The following CEP250 variants were observed in gnomAD, a reference collection of about 807,000 sequenced individuals.
CEP250 encodes the protein centrosomal protein 250.
A neutral mutation model predicts 315.7 loss-of-function variants in CEP250; 242 were observed. The ratio of observed to expected loss-of-function variants is 0.77; its 90% CI spans 0.69 to 0.85. The LOEUF (loss-of-function observed/expected upper bound fraction) is 0.85. Ranked by LOEUF, CEP250 falls within the 40% of genes least tolerant of loss-of-function variation. The pLI is 0.00. For missense variants in CEP250, 2,515 were observed against 2,886.4 expected (o/e 0.87, Z 2.95); for synonymous variants, 1,088 against 1,175.0 (o/e 0.93, Z 1.51).
intron 34 of CEP250, 44 bp downstream of exon 34, chr20:35,510,098 C>A: frequency 6.4e-7 from 1 of 1,566,116 alleles, no homozygotes; most frequent in Non-Finnish European, 8.8e-7. Flanking sequence ...CCCTTGCACT[C>A]AGGCCCTTTG....
chr20:35,517,808 C>T lies in CEP250; in HGVS notation c.*6182C>T, dbSNP rs924702094. 5 of 151,716 alleles carry T rather than the reference C, an allele frequency of 3.3e-5. No individual in the cohort carries two copies. The highest frequency in any genetic ancestry group is 6.6e-5 in the Admixed American group (1 of 15,236). 9.4% of individuals were successfully genotyped at this position (151,716 alleles called of 1,614,324 possible). ...CAGTGCCGGGCTTGGGGGCTCACGCCTGTAATCCCAGCACTTTGGGAGGCC... is the reference window on the plus strand; with the variant it reads ...CAGTGCCGGGCTTGGGGGCTCACGCTTGTAATCCCAGCACTTTGGGAGGCC... On this transcript the variant is annotated 3_prime_UTR_variant, in exon 35 of 35. Transcript: ENST00000397527.
At position 35,491,305 on chromosome 20, in the gene CEP250, C is replaced by T. The variant is rs1388902455; in HGVS notation, c.2848C>T (p.Arg950Ter). 1.2e-6 allele frequency: 2 copies of T among 1,602,248 alleles called. No individual in the cohort carries two copies. Among genetic ancestry groups the T allele is most frequent in the East Asian group, 2.3e-5 (1 of 44,374 alleles). ...AGCAGATGCCAGCCAACAACTGGAACGACTGAGGCAGGACATGAAAGTCCA... is the reference window on the plus strand; with the variant it reads ...AGCAGATGCCAGCCAACAACTGGAATGACTGAGGCAGGACATGAAAGTCCA... Reference protein sequence around the residue: ...ELADASQQLERLRQDMKVQKL... With the variant: ...ELADASQQLE Residue 950 changes from arginine to a stop codon, truncating the protein, a stop_gained, in exon 22 of 35, where the codon CGA becomes TGA. Transcript: ENST00000397527. LOFTEE classifies it high-confidence loss of function.
intron 24 of CEP250, among the ~76,000 whole-genome samples, chr20:35,495,909 A>G (rs1488560185): frequency 6.6e-6 from 1 of 152,110 alleles, no homozygotes; most frequent in East Asian, 1.9e-4. Context: ...AGAGGAGGAG[A>G]GAAGAGAAGA....
At chr20:35,487,606 T>C (rs933564327) in intron 20 of CEP250, among the ~76,000 whole-genome samples, 4 of 151,968 alleles carry the variant, frequency 2.6e-5, no homozygotes, top group African/African-American at 9.7e-5. Flanking sequence ...TGCTGAATGC[T>C]TTATTCACAC....
At chr20:35,494,398 G>T (rs1490682870) in intron 23 of CEP250, 126 bp from the exon 24 acceptor site, 3 of 1,246,960 alleles carry the variant, frequency 2.4e-6, no homozygotes, top group Non-Finnish European at 3.4e-6. Flanking sequence ...TGGTAGAATC[G>T]CCAGAGCATT....
intron 10 of CEP250, 59 bp from the exon 11 acceptor site, chr20:35,471,991 G>A: frequency 9.5e-7 from 1 of 1,055,250 alleles, no homozygotes; most frequent in African/African-American, 1.6e-5. Context: ...TGGGGTCCTG[G>A]AATAATAAAT....
At chr20:35,493,310 G>A (rs2063748017) in intron 22 of CEP250, 119 bp from the exon 23 acceptor site, 2 of 930,150 alleles carry the variant, frequency 2.2e-6, no homozygotes, top group Middle Eastern at 2.3e-4. Context: ...AAGTGAGAAG[G>A]TGAGGTGGAA....
intron 20 of CEP250, among the ~76,000 whole-genome samples, chr20:35,485,074 A>G (rs2063469532): frequency 6.6e-6 from 1 of 151,648 alleles, no homozygotes; most frequent in Non-Finnish European, 1.5e-5. Context: ...TAAAAAAAAA[A>G]AAAAAAAAAA....
rs370009858 is a variant in CEP250 at position 35,477,942 on chromosome 20, C to G, written c.1935C>G (p.Val645=). 3 of 1,610,086 alleles carry G rather than the reference C, an allele frequency of 1.9e-6. No homozygotes were observed. Among genetic ancestry groups the G allele is most frequent in the South Asian group, 2.2e-5 (2 of 90,126 alleles). ...AAEQARNALQ[V]DLAEAEKRRE... is the part of the protein sequence containing the mutation. ...AGCAGGCGAGAAATGCTTTGCAGGT[C>G]GACCTGGCGGAGGCAGAGAAGAGGA... Residue 645 remains valine (V), a synonymous_variant, in exon 17 of 35, where the codon GTC becomes GTG. Transcript: ENST00000397527.
chr20:35,457,811 A>G (rs533120585), intron 1 of CEP250, among the ~76,000 whole-genome samples: 1 of 152,198 alleles, frequency 6.6e-6, no homozygotes, highest in South Asian at 2.1e-4. Context: ...AAACAAAACA[A>G]AACACTGGAT....
intron 28 of CEP250, 44 bp from the exon 29 acceptor site, chr20:35,501,801 G>A: frequency 6.5e-7 from 1 of 1,537,260 alleles, no homozygotes; most frequent in South Asian, 1.2e-5. Context: ...CCAAACATGG[G>A]TCTTACTCCA....
At chr20:35,489,453 A>G (rs2063620930) in intron 20 of CEP250, among the ~76,000 whole-genome samples, 1 of 152,276 alleles carries the variant, frequency 6.6e-6, no homozygotes, top group Non-Finnish European at 1.5e-5. Flanking sequence ...AGTGATTCAC[A>G]TGACTTATCT....
chr20:35,460,191 G>T (rs2062722965), intron 3 of CEP250, 86 bp downstream of exon 3: 1 of 152,184 alleles, frequency 6.6e-6, no homozygotes, highest in Admixed American at 6.6e-5. Context: ...TGGTTCGTAG[G>T]CTAGGAAGAG....
At chr20:35,462,211 T>C (rs2062772170) in intron 3 of CEP250, 54 bp from the exon 4 acceptor site, 1 of 590,196 alleles carries the variant, frequency 1.7e-6, no homozygotes, top group Non-Finnish European at 3.0e-6. Flanking sequence ...TGAGGAGTCT[T>C]GTGTGTAGTA....
At position 35,479,277 on chromosome 20, in the gene CEP250, A is replaced by G. The variant is rs2146875731; in HGVS notation, c.2141A>G (p.His714Arg). 27 of 1,614,190 alleles carry G rather than the reference A, an allele frequency of 1.7e-5. No individual in the cohort carries two copies. Among genetic ancestry groups the G allele is most frequent in the Non-Finnish European group, 2.3e-5 (27 of 1,180,010 alleles). ...GCCACGACTCAGCTGGAGCAGCTAC[A>G]TCAGGAGGCAAAGCGACAGGAAGAA... is the stretch of plus-strand genomic sequence containing the variant. ...EAATTQLEQL[H>R]QEAKRQEEVL... The change falls in exon 18 of 35, where the codon CAT becomes CGT. Residue 714 changes from histidine to arginine, a missense_variant. Transcript: ENST00000397527.
Position 35,498,642 on chromosome 20 carries a change from G to A in CEP250, c.3703G>A (p.Ala1235Thr), listed in dbSNP as rs2063915526. The A allele has an allele frequency of 1.2e-6, 2 of 1,607,716 alleles. No homozygotes were observed. The highest frequency in any genetic ancestry group is 1.7e-6 in the Non-Finnish European group (2 of 1,178,272). ...SLFKRGPLLT[A>T]LSAEAVASAL... ...CTTTAAGAGAGGGCCCCTGCTGACT[G>A]CTCTCTCCGCTGAGGCAGTAGCATC... is the stretch of plus-strand genomic sequence containing the variant. Residue 1235 changes from alanine to threonine, a missense_variant, in exon 27 of 35, where the codon GCT (alanine) becomes ACT (threonine). Physicochemically the swap from Ala to Thr is moderately conservative, Grantham distance 58 (BLOSUM62 0). Coordinates refer to ENST00000397527, the MANE Select transcript of CEP250 (RefSeq NM_007186.6).
rs772480349 is a variant in CEP250, at chr20:35,511,460, A to C, written c.7163A>C (p.His2388Pro). The C allele has an allele frequency of 1.2e-6, 2 of 1,614,016 alleles. No homozygotes were observed. The highest frequency in any genetic ancestry group is 1.7e-6 in the Non-Finnish European group (2 of 1,180,004). Residue 2388 changes from histidine (H) to proline (P), a missense_variant, in exon 35 of 35, where the codon CAC (histidine) becomes CCC (proline). His to Pro is a moderately conservative substitution (Grantham distance 77, BLOSUM62 -2). Coordinates refer to ENST00000397527, the MANE Select transcript of CEP250 (RefSeq NM_007186.6). ...AQTSRELAGL[H>P]HSLSHSLLAV... ...ACCAGCCGTGAGCTAGCAGGCCTGC[A>C]CCACAGCCTCTCACACTCACTTCTT...
chr20:35,470,479 G>T (rs1375278461), intron 10 of CEP250, among the ~76,000 whole-genome samples: 1 of 152,228 alleles, frequency 6.6e-6, no homozygotes, highest in African/African-American at 2.4e-5. Flanking sequence ...GCCGGGCGCG[G>T]TGGCTCACGC....
rs2063245304 is a variant in CEP250, at chr20:35,478,695, T to C, written c.2095-536T>C. On this transcript the variant is annotated intron_variant, in intron 17 of 34. Coordinates refer to ENST00000397527, the MANE Select transcript of CEP250 (RefSeq NM_007186.6). Reference sequence around the variant, plus strand: ...ACTACCACATTCCTCATGCTATAATTATCTGTTTATATGTCTCTACCATTA... The same window carrying C: ...ACTACCACATTCCTCATGCTATAATCATCTGTTTATATGTCTCTACCATTA... Among the ~76,000 whole-genome samples the C allele has an allele frequency of 2.6e-5, 4 of 152,220 alleles. No individual in the cohort carries two copies. In the South Asian group the frequency reaches 8.3e-4, roughly 31 times the overall value.
Sources: gnomAD v4.1 joint callset for allele counts (sites outside exome capture counted in the v4.1 genomes callset) on GRCh38, gnomAD v4.1.1 for gene constraint, MANE v1.5 for transcripts, NCBI Gene and HGNC (gene_info 2026-07-23, HGNC 2026-07-21) for gene names.